Variants in DIP2C observed in about 807,000 individuals in gnomAD.
DIP2C encodes the protein DIP2 acetate--CoA ligase C (putative), also known as disco-interacting protein 2 homolog C.
DIP2C carries 33 observed loss-of-function variants against 192.4 expected under a neutral mutation model. That is an observed-to-expected ratio of 0.17 (90% confidence interval 0.13 to 0.23). The LOEUF is 0.23. DIP2C is among the 10% of genes least tolerant of loss of function. DIP2C has a pLI of 1.00. For missense variants in DIP2C, 1,537 were observed against 2,110.1 expected (o/e 0.73, Z 5.32); for synonymous variants, 979 against 864.1 (o/e 1.13, Z -2.33).
At chr10:609,025 T>G (rs1296231755) in intron 1 of DIP2C, among the ~76,000 whole-genome samples, 2 of 151,964 alleles carry the variant, frequency 1.3e-5, no homozygotes, top group African/African-American at 4.8e-5. Flanking sequence ...AAGCATGATT[T>G]TGTCATCACT....
intron 13 of DIP2C, 98 bp from the exon 14 acceptor site, chr10:387,907 GATCTTGGGAAAATATCATTTTGCCGT>G: frequency 3.8e-6 from 5 of 1,301,758 alleles, no homozygotes; most frequent in Non-Finnish European, 5.6e-6. Flanking sequence ...GGAAATAACA[GATCTTGGGAAAATATCATTTTGCCGT>G]ATCTTGGTGG....
At chr10:545,163 TC>T (rs201541911) in intron 1 of DIP2C, among the ~76,000 whole-genome samples, 6 of 130,408 alleles carry the variant, frequency 4.6e-5, no homozygotes, top group African/African-American at 1.2e-4. Flanking sequence ...ACTGGTGTTT[TC>T]CCTTTTTTTT....
chr10:488,316 C>G (rs748570942), intron 1 of DIP2C, among the ~76,000 whole-genome samples: 1 of 152,224 alleles, frequency 6.6e-6, no homozygotes, highest in African/African-American at 2.4e-5. Flanking sequence ...CCTTGCCGAG[C>G]TGCAAGGCAA....
rs1957313723 is a variant in DIP2C at position 327,241 on chromosome 10, T to C, written c.3754-65A>G. On this transcript the variant is annotated intron_variant, in intron 30 of 36. Coordinates refer to ENST00000280886, the MANE Select transcript of DIP2C (RefSeq NM_014974.3). Reference sequence around the variant, plus strand: ...GTCGAGCTTGGAGTGAGCCAGAGACTCCTTCCCACAGATCCCCACGTAAAC... The same window carrying C: ...GTCGAGCTTGGAGTGAGCCAGAGACCCCTTCCCACAGATCCCCACGTAAAC... The C allele has an allele frequency of 2.6e-6, 4 of 1,538,586 alleles. No homozygotes were observed. The East Asian group carries it at 6.9e-5, about 27-fold the overall frequency.
At position 308,228 on chromosome 10, in the gene DIP2C, G is replaced by A. The variant is rs190026273; in HGVS notation, c.3986+1803C>T. On this transcript the variant is annotated intron_variant, in intron 32 of 36. Coordinates refer to ENST00000280886, the MANE Select transcript of DIP2C (RefSeq NM_014974.3). ...GTCTGGCATCCGAGGAGCTCCCCTC[G>A]GCACTGCTCAAGGGTGAGAGCCTAG... Among the ~76,000 whole-genome samples, 165 of 149,662 alleles carry A rather than the reference G, an allele frequency of 1.1e-3. 7 individuals are homozygous for A. The highest frequency in any genetic ancestry group is 4.1e-3 in the African/African-American group (161 of 39,072).
intron 1 of DIP2C, among the ~76,000 whole-genome samples, chr10:555,846 G>A (rs1311971219): frequency 6.6e-6 from 1 of 152,098 alleles, no homozygotes; most frequent in Non-Finnish European, 1.5e-5. Flanking sequence ...ACCCCCACGG[G>A]AGGAACACCC....
intron 1 of DIP2C, among the ~76,000 whole-genome samples, chr10:577,871 G>A (rs979078931): frequency 1.3e-5 from 2 of 150,686 alleles, no homozygotes; most frequent in African/African-American, 4.9e-5. Context: ...AGAACCTTTT[G>A]GAAAGTTGGG....
chr10:345,487 G>C (rs921177569), intron 26 of DIP2C, among the ~76,000 whole-genome samples: 1 of 138,170 alleles, frequency 7.2e-6, no homozygotes, highest in Non-Finnish European at 1.5e-5. Flanking sequence ...CAGGCACATC[G>C]CGCACAGTTC....
chr10:370,945 A>T (rs1009955127), intron 17 of DIP2C, among the ~76,000 whole-genome samples: 2 of 152,252 alleles, frequency 1.3e-5, no homozygotes, highest in African/African-American at 4.8e-5. Flanking sequence ...ATTATTCTAG[A>T]TGTAAGAATC....
intron 2 of DIP2C, among the ~76,000 whole-genome samples, chr10:474,871 T>C (rs980317445): frequency 2.0e-5 from 3 of 152,208 alleles, no homozygotes; most frequent in South Asian, 4.1e-4. Flanking sequence ...TCTCCTTCAA[T>C]AATCTTTTAT....
chr10:319,195 G>C (rs1481128753), intron 31 of DIP2C, among the ~76,000 whole-genome samples: 1 of 152,132 alleles, frequency 6.6e-6, no homozygotes, highest in South Asian at 2.1e-4. Context: ...TTACAGGCGT[G>C]AGCCACCGCG....
intron 1 of DIP2C, among the ~76,000 whole-genome samples, chr10:510,595 G>A (rs1029858164): frequency 1.3e-5 from 2 of 152,212 alleles, no homozygotes; most frequent in African/African-American, 4.8e-5. Flanking sequence ...AGTGCTGGCT[G>A]AGATTTTAAC....
intron 1 of DIP2C, among the ~76,000 whole-genome samples, chr10:510,398 C>T (rs1845931396): frequency 6.6e-6 from 1 of 152,222 alleles, no homozygotes; most frequent in Non-Finnish European, 1.5e-5. Context: ...TTCTCTCCTG[C>T]ACCTATATTT....
chr10:470,101 AG>A lies in DIP2C; in HGVS notation c.268+2337del, dbSNP rs527740952. The stretch of plus-strand genomic sequence containing the variant: ...GTAAATGGATGCTTGATAGGTAAGT[AG>A]ATGATTGGCGAATATGTAGACAGAT... On this transcript the variant is annotated intron_variant, in intron 3 of 36. Transcript: ENST00000280886. 1.6e-4 allele frequency among the ~76,000 whole-genome samples: 25 copies of A among 152,298 alleles called. 1 individual carries two copies. The East Asian group carries it at 3.3e-3, about 20-fold the overall frequency.
At chr10:454,656 T>C (rs760563494) in intron 3 of DIP2C, among the ~76,000 whole-genome samples, 63 of 150,462 alleles carry the variant, frequency 4.2e-4, no homozygotes, top group African/African-American at 1.3e-3. Flanking sequence ...AGTATACAAA[T>C]GCACCATCTA....
chr10:599,992 G>C (rs1003387804), intron 1 of DIP2C, among the ~76,000 whole-genome samples: 20 of 152,136 alleles, frequency 1.3e-4, no homozygotes, highest in African/African-American at 4.1e-4. Flanking sequence ...GCCTTAGCAG[G>C]GCAGGCAGTG....
At chr10:297,824 G>T (rs549450479) in intron 32 of DIP2C, among the ~76,000 whole-genome samples, 1 of 152,226 alleles carries the variant, frequency 6.6e-6, no homozygotes, top group African/African-American at 2.4e-5. Flanking sequence ...CATTCCCAAA[G>T]AAATGATGCA....
chr10:373,836 G>A (rs1045178124), intron 17 of DIP2C, among the ~76,000 whole-genome samples: 18 of 152,134 alleles, frequency 1.2e-4, no homozygotes, highest in South Asian at 2.1e-4. Context: ...AAGATCATGC[G>A]CTTGCCCTTT....
At chr10:488,648 C>G (rs1844195049) in intron 1 of DIP2C, among the ~76,000 whole-genome samples, 1 of 152,172 alleles carries the variant, frequency 6.6e-6, no homozygotes, top group Non-Finnish European at 1.5e-5. Context: ...GTGCCCTTCT[C>G]CGAAGGAAAC....
Sources: gnomAD v4.1 joint callset for allele counts (sites outside exome capture counted in the v4.1 genomes callset) on GRCh38, gnomAD v4.1.1 for gene constraint, MANE v1.5 for transcripts, NCBI Gene and HGNC (gene_info 2026-07-23, HGNC 2026-07-21) for gene names.